The following KCNS1 variants were observed in gnomAD, a reference collection of about 807,000 sequenced individuals.
KCNS1 encodes potassium voltage-gated channel modifier subfamily S member 1.
A neutral mutation model predicts 33.1 loss-of-function variants in KCNS1; 26 were observed. That is an observed-to-expected ratio of 0.79 (90% CI 0.58 to 1.09). The LOEUF (loss-of-function observed/expected upper bound fraction) is 1.09. KCNS1 is among the 50% of genes least tolerant of loss of function. The pLI is 0.00. For synonymous variants in KCNS1, 299 were observed against 338.8 expected (o/e 0.88, Z 1.29); for missense variants, 702 against 752.4 (o/e 0.93, Z 0.78).
Position 45,098,256 on chromosome 20 carries a change from G to A in KCNS1, c.516C>T (p.Asp172=), listed in dbSNP as rs1385588087. The stretch of plus-strand genomic sequence containing the variant: ...GGCACGGGTCCACGCTGCTCGGCGT[G>A]TCGCTGTCCTCGTCCCAGGCGTGCG... ...TQPHAWDEDS[D]TPSSVDPCPD... The change falls in exon 3 of 4, where the codon GAC becomes GAT. Residue 172 remains aspartate (D), a synonymous_variant. Coordinates refer to ENST00000537075, the MANE Select transcript of KCNS1 (RefSeq NM_001322799.2). The surrounding 1 kb of genome is among the most constrained non-coding windows in gnomAD (Gnocchi z 5.2). The A allele has an allele frequency of 6.3e-7, 1 of 1,596,912 alleles. No homozygotes were observed. Among genetic ancestry groups the A allele is most frequent in the African/African-American group, 1.3e-5 (1 of 74,574 alleles).
chr20:45,097,572 T>C (rs537332786), intron 3 of KCNS1, 90 bp downstream of exon 3: 2 of 1,311,986 alleles, frequency 1.5e-6, no homozygotes, highest in Non-Finnish European at 1.0e-6. Flanking sequence ...ACGTTAAGCC[T>C]GGACTCGGCA....
In KCNS1 at chr20:45,098,125, G is replaced by C. The variant is rs1233810054; in HGVS notation, c.647C>G (p.Ser216Trp). Residue 216 changes from serine (S) to tryptophan (W), a missense_variant, in exon 3 of 4, where the codon TCG becomes TGG. Physicochemically the swap from Ser to Trp is radical, Grantham distance 177. This residue lies in a region of KCNS1 where 374 missense variants were observed against 352.3 expected (regional missense o/e 1.06). Transcript: ENST00000537075. This position sits in a 1 kb window ranked among gnomAD's most constrained non-coding sequence, Gnocchi z 5.2. ...LWLTMENPGY[S>W]LPSKLFSCVS... ...GCAGCTGAAGAGCTTGCTCGGCAGC[G>C]AGTAGCCCGGGTTCTCCATGGTCAG... 1.2e-6 allele frequency: 2 copies of C among 1,601,458 alleles called. No individual in the cohort carries two copies. Among genetic ancestry groups the C allele is most frequent in the East Asian group, 4.5e-5 (2 of 44,302 alleles).
At position 45,094,543 on chromosome 20, in the gene KCNS1, C is replaced by CGTAT; in HGVS notation, c.*326_*327insATAC. On this transcript the variant is annotated 3_prime_UTR_variant, in exon 4 of 4. Coordinates refer to ENST00000537075, the MANE Select transcript of KCNS1 (RefSeq NM_001322799.2). ...GTGAAGTGGGGATAATTCTCTTTCT[C>CGTAT]CAACACAAGGCCAAACATGACCTGG... is the stretch of plus-strand genomic sequence containing the variant. 1 of 234,722 alleles carries CGTAT rather than the reference C, an allele frequency of 4.3e-6. No individual in the cohort carries two copies. The highest frequency in any genetic ancestry group is 8.4e-6 in the Non-Finnish European group (1 of 119,684). 14.5% of individuals were successfully genotyped at this position (234,722 alleles called of 1,614,324 possible).
Position 45,094,527 on chromosome 20 carries a change from G to C in KCNS1, c.*343C>G, listed in dbSNP as rs562438895. On this transcript the variant is annotated 3_prime_UTR_variant, in exon 4 of 4. Coordinates refer to ENST00000537075, the MANE Select transcript of KCNS1 (RefSeq NM_001322799.2). The stretch of plus-strand genomic sequence containing the variant: ...CTTGGTTTCCTCATCTGTGAAGTGG[G>C]GATAATTCTCTTTCTCCAACACAAG... 5.1e-5 allele frequency: 11 copies of C among 213,702 alleles called. No individual in the cohort carries two copies. In the South Asian group the frequency reaches 1.2e-3, roughly 23 times the overall value. The allele number at this position is 213,702 out of a possible 1,614,324, so 13.2% of individuals were successfully genotyped here.
In KCNS1 at chr20:45,095,172, C is replaced by T; in HGVS notation, c.1279G>A (p.Val427Met). 1.9e-6 allele frequency: 3 copies of T among 1,614,174 alleles called. No individual in the cohort carries two copies. Among genetic ancestry groups the T allele is most frequent in the African/African-American group, 1.3e-5 (1 of 75,044 alleles). Residue 427 changes from valine to methionine, a missense_variant, in exon 4 of 4, where the codon GTG (valine) becomes ATG (methionine). Physicochemically the swap from Val to Met is conservative, Grantham distance 21. Around this residue, in one of 3 missense-constraint regions of KCNS1, gnomAD observed 253 missense variants for 327.4 expected, o/e 0.77. Coordinates refer to ENST00000537075, the MANE Select transcript of KCNS1 (RefSeq NM_001322799.2). ...TTGCCAGCCACCGTCACTGGCACCA[C>T]ATCCCCATAGCCCACGGTGGTCATG... ...VSMTTVGYGD[V>M]VPVTVAGKLA...
chr20:45,098,721 A>T lies in KCNS1; in HGVS notation c.77-26T>A. On this transcript the variant is annotated intron_variant, in intron 2 of 3. Coordinates refer to ENST00000537075, the MANE Select transcript of KCNS1 (RefSeq NM_001322799.2). This position sits in a 1 kb window ranked among gnomAD's most constrained non-coding sequence, Gnocchi z 5.2. ...CTGCGGACACCAGAAGGGCGCGCTG[A>T]GGAGTTCCCGGGCTTCCCTTCCTGG... 1 of 1,366,342 alleles carries T rather than the reference A, an allele frequency of 7.3e-7. No homozygotes were observed. The highest frequency in any genetic ancestry group is 9.4e-7 in the Non-Finnish European group (1 of 1,059,894). 84.6% of individuals were successfully genotyped at this position (1,366,342 alleles called of 1,614,324 possible).
rs1208000767 is a variant in KCNS1, at chr20:45,094,290, A to G, written c.*580T>C. 1 of 153,292 alleles carries G rather than the reference A, an allele frequency of 6.5e-6. No homozygotes were observed. Among genetic ancestry groups the G allele is most frequent in the Non-Finnish European group, 1.5e-5 (1 of 68,940 alleles). 9.5% of individuals were successfully genotyped at this position (153,292 alleles called of 1,614,324 possible). ...TCCTATATCCAAATCTCCTGTCTGG[A>G]CCCTTCCCTGGCTCTGAAAGGGATT... On this transcript the variant is annotated 3_prime_UTR_variant, in exon 4 of 4. Transcript: ENST00000537075.
Position 45,098,613 on chromosome 20 carries a change from G to C in KCNS1, c.159C>G (p.Arg53=). ...IRWRRSDEAL[R]VNVGGVRRQL... is the part of the protein sequence containing the mutation. ...GCCGCCGCACGCCACCCACGTTCAC[G>C]CGCAGCGCCTCGTCGCTTCGCCGCC... is the stretch of plus-strand genomic sequence containing the variant. Residue 53 remains arginine (R), a synonymous_variant, in exon 3 of 4, where the codon CGC becomes CGG. Transcript: ENST00000537075. This position sits in a 1 kb window ranked among gnomAD's most constrained non-coding sequence, Gnocchi z 5.2. The C allele has an allele frequency of 6.8e-7, 1 of 1,462,862 alleles. No homozygotes were observed. The highest frequency in any genetic ancestry group is 9.0e-7 in the Non-Finnish European group (1 of 1,107,896). 90.6% of individuals were successfully genotyped at this position (1,462,862 alleles called of 1,614,324 possible).
At position 45,094,355 on chromosome 20, in the gene KCNS1, C is replaced by T. The variant is rs1362477657; in HGVS notation, c.*515G>A. On this transcript the variant is annotated 3_prime_UTR_variant, in exon 4 of 4. Coordinates refer to ENST00000537075, the MANE Select transcript of KCNS1 (RefSeq NM_001322799.2). ...TCAACTCTGGGGATCCATGAATCAC[C>T]AAAAAACACACGCAAACTTCATGAG... 1.3e-5 allele frequency: 2 copies of T among 153,526 alleles called. No individual in the cohort carries two copies. Among genetic ancestry groups the T allele is most frequent in the East Asian group, 3.9e-4 (2 of 5,186 alleles). The allele number at this position is 153,526 out of a possible 1,614,324, so 9.5% of individuals were successfully genotyped here. A position where few individuals can be genotyped will look rare whatever the true frequency, so the allele number is the denominator to read the frequency against.
At position 45,097,772 on chromosome 20, in the gene KCNS1, A is replaced by T. The variant is rs528585368; in HGVS notation, c.1000T>A (p.Phe334Ile). The change falls in exon 3 of 4, where the codon TTC (phenylalanine) becomes ATC (isoleucine). Residue 334 changes from phenylalanine (F) to isoleucine (I), a missense_variant. By Grantham distance (21) the Phe-to-Ile change is conservative. Coordinates refer to ENST00000537075, the MANE Select transcript of KCNS1 (RefSeq NM_001322799.2). ...TGCACCACCTTGCCCAGGTGGCCGAACTCCTTGCCGCCCTGGTCGCCCAGT... is the reference window on the plus strand; with the variant it reads ...TGCACCACCTTGCCCAGGTGGCCGATCTCCTTGCCGCCCTGGTCGCCCAGT... The part of the protein sequence containing the change: ...VALGDQGGKE[F>I]GHLGKVVQVF... The T allele has an allele frequency of 3.7e-6, 6 of 1,613,230 alleles. No individual in the cohort carries two copies. In the African/African-American group the frequency reaches 6.7e-5, roughly 18 times the overall value.
Position 45,098,083 on chromosome 20 carries a change from A to C in KCNS1, c.689T>G (p.Val230Gly). The C allele has an allele frequency of 6.4e-7, 1 of 1,567,096 alleles. No individual in the cohort carries two copies. The stretch of plus-strand genomic sequence containing the variant: ...GCACATGGCGGCGATGGAGGCGAGC[A>C]CCACGCTGATGGAGACGCAGCTGAA... ...KLFSCVSISVVLASIAAMCIH... is the reference protein window; with the variant it reads ...KLFSCVSISVGLASIAAMCIH... Residue 230 changes from valine (V) to glycine (G), a missense_variant, in exon 3 of 4, where the codon GTG (valine) becomes GGG (glycine). This residue lies in a region of KCNS1 where 374 missense variants were observed against 352.3 expected (regional missense o/e 1.06). Transcript: ENST00000537075. The surrounding 1 kb of genome is among the most constrained non-coding windows in gnomAD (Gnocchi z 5.2).
rs1465100104 is a variant in KCNS1, at chr20:45,094,071, CTT to C, written c.*797_*798del. 6.6e-6 allele frequency: 1 copy of C among 152,268 alleles called. No individual in the cohort carries two copies. The highest frequency in any genetic ancestry group is 2.4e-5 in the African/African-American group (1 of 41,424). The allele number at this position is 152,268 out of a possible 1,614,324, so 9.4% of individuals were successfully genotyped here. Reference sequence around the variant, plus strand: ...TCAGGCCAGGGGCCCTTCAGATTTTCTTTCTCTCACATCAGCCCTGGGAGGAA... The same window carrying C: ...TCAGGCCAGGGGCCCTTCAGATTTTCTCTCTCACATCAGCCCTGGGAGGAA... On this transcript the variant is annotated 3_prime_UTR_variant, in exon 4 of 4. Transcript: ENST00000537075.
At position 45,095,349 on chromosome 20, in the gene KCNS1, G is replaced by A; in HGVS notation, c.1111-9C>T. 6.2e-7 allele frequency: 1 copy of A among 1,607,226 alleles called. No homozygotes were observed. Among genetic ancestry groups the A allele is most frequent in the East Asian group, 2.2e-5 (1 of 44,788 alleles). Reference sequence around the variant, plus strand: ...ACCTCACGGTAGCTGTGCTGAAAGAGAATGTAGAAAGCCAAGTCAGAGTGG... The same window carrying A: ...ACCTCACGGTAGCTGTGCTGAAAGAAAATGTAGAAAGCCAAGTCAGAGTGG... On this transcript the variant is annotated splice_polypyrimidine_tract_variant and intron_variant, in intron 3 of 3. Transcript: ENST00000537075.
chr20:45,096,706 G>A (rs1981196041), intron 3 of KCNS1, among the ~76,000 whole-genome samples: 1 of 152,138 alleles, frequency 6.6e-6, no homozygotes. Flanking sequence ...TGTCACCTCT[G>A]GGAGCCTCAG....
chr20:45,095,129 C>T lies in KCNS1; in HGVS notation c.1322G>A (p.Cys441Tyr), dbSNP rs2145511435. ...TVAGKLAASGCILGGILVVAL... is the reference protein window; with the variant it reads ...TVAGKLAASGYILGGILVVAL... The stretch of plus-strand genomic sequence containing the variant: ...TACCACCAGGATGCCCCCTAGGATG[C>T]AGCCTGAGGCTGCCAGCTTGCCAGC... Residue 441 changes from cysteine to tyrosine, a missense_variant, in exon 4 of 4, where the codon TGC becomes TAC. Cys to Tyr is a radical substitution (Grantham distance 194). This residue lies in a region of KCNS1 where 253 missense variants were observed against 327.4 expected (regional missense o/e 0.77). Coordinates refer to ENST00000537075, the MANE Select transcript of KCNS1 (RefSeq NM_001322799.2). The T allele has an allele frequency of 6.2e-7, 1 of 1,614,052 alleles. No homozygotes were observed. Among genetic ancestry groups the T allele is most frequent in the East Asian group, 2.2e-5 (1 of 44,882 alleles).
At position 45,093,624 on chromosome 20, in the gene KCNS1, C is replaced by CT. The variant is rs1340840307; in HGVS notation, c.*1245dup. The CT allele has an allele frequency of 6.6e-6, 1 of 152,334 alleles. No homozygotes were observed. Among genetic ancestry groups the CT allele is most frequent in the Non-Finnish European group, 1.5e-5 (1 of 68,122 alleles). The allele number at this position is 152,334 out of a possible 1,614,324, so 9.4% of individuals were successfully genotyped here. A position where few individuals can be genotyped will look rare whatever the true frequency, so the allele number is the denominator to read the frequency against. Reference sequence around the variant, plus strand: ...GGAAAGGGCTACTGGATCCCCTCCTCTGACTTTCTCAGCAAGTGAAGAGAA... The same window carrying CT: ...GGAAAGGGCTACTGGATCCCCTCCTCTTGACTTTCTCAGCAAGTGAAGAGAA... On this transcript the variant is annotated 3_prime_UTR_variant, in exon 4 of 4. Transcript: ENST00000537075.
intron 3 of KCNS1, among the ~76,000 whole-genome samples, chr20:45,096,859 A>G (rs1160318009): frequency 2.6e-5 from 4 of 152,144 alleles, no homozygotes; most frequent in Admixed American, 6.5e-5. Flanking sequence ...CGACTCTTCA[A>G]TTTCATCTCT....
At chr20:45,097,088 A>T (rs1981208497) in intron 3 of KCNS1, among the ~76,000 whole-genome samples, 1 of 152,266 alleles carries the variant, frequency 6.6e-6, no homozygotes. Flanking sequence ...CCAACCCTTC[A>T]ACCTCAGCTT....
At chr20:45,096,327 C>T (rs190595420) in intron 3 of KCNS1, among the ~76,000 whole-genome samples, 29 of 152,152 alleles carry the variant, frequency 1.9e-4, no homozygotes, top group African/African-American at 5.3e-4. Context: ...TACTCTTCTC[C>T]CCTACTGAAG....
Sources: gnomAD v4.1 joint callset for allele counts (sites outside exome capture counted in the v4.1 genomes callset) on GRCh38, gnomAD v4.1.1 for gene constraint, gnomAD v4.1.1 regional missense constraint, Gnocchi (gnomAD v3.1) non-coding constraint, MANE v1.5 for transcripts, NCBI Gene and HGNC (gene_info 2026-07-23, HGNC 2026-07-21) for gene names.